CPA6: variants seen among roughly 807,000 people sequenced by gnomAD.
The protein encoded by CPA6 is carboxypeptidase B.
CPA6 carries 58 observed loss-of-function variants against 63.3 expected under a neutral mutation model. The observed-to-expected ratio is 0.92, with a 90% confidence interval of 0.74 to 1.14. The LOEUF is 1.14. Ranked by LOEUF, CPA6 falls within the 50% of genes most tolerant of loss-of-function variation. The pLI is 0.00. For synonymous variants in CPA6, 185 were observed against 179.0 expected (o/e 1.03, Z -0.27); for missense variants, 565 against 526.6 (o/e 1.07, Z -0.71).
chr8:67,468,638 G>T (rs918127114), intron 8 of CPA6, among the ~76,000 whole-genome samples: 3 of 145,066 alleles, frequency 2.1e-5, no homozygotes, highest in Non-Finnish European at 3.0e-5. Flanking sequence ...ATAATAATAA[G>T]AAAAAGAAAT....
At chr8:67,527,083 A>C (rs1163137005) in intron 2 of CPA6, among the ~76,000 whole-genome samples, 1 of 152,222 alleles carries the variant, frequency 6.6e-6, no homozygotes, top group Non-Finnish European at 1.5e-5. Context: ...TAAGAAGTAC[A>C]TTGGAAGACA....
chr8:67,582,462 C>T (rs534070705), intron 2 of CPA6, among the ~76,000 whole-genome samples: 4 of 152,166 alleles, frequency 2.6e-5, no homozygotes, highest in South Asian at 2.1e-4. Context: ...ATTGAAGTGC[C>T]GTTAGCATGA....
intron 1 of CPA6, among the ~76,000 whole-genome samples, chr8:67,652,303 C>A (rs1391707405): frequency 2.0e-5 from 3 of 152,172 alleles, no homozygotes; most frequent in Non-Finnish European, 4.4e-5. Flanking sequence ...TTCTAGATCC[C>A]TGAGGAATCG....
chr8:67,512,649 C>T (rs754511644), intron 3 of CPA6, among the ~76,000 whole-genome samples: 4 of 152,192 alleles, frequency 2.6e-5, no homozygotes, highest in Non-Finnish European at 4.4e-5. Flanking sequence ...TAGCAAAGCA[C>T]TTCAGTCATT....
At chr8:67,503,161 C>T (rs1237689188) in intron 6 of CPA6, among the ~76,000 whole-genome samples, 2 of 152,250 alleles carry the variant, frequency 1.3e-5, no homozygotes, top group East Asian at 3.9e-4. Flanking sequence ...GCTTCAGCCT[C>T]CTGAGTAGCT....
chr8:67,484,643 A>G (rs374711362), intron 7 of CPA6, 36 bp downstream of exon 7: 9 of 1,068,252 alleles, frequency 8.4e-6, no homozygotes, highest in Non-Finnish European at 1.2e-5. Context: ...TGATTTATTT[A>G]GTCCTCTTTT....
intron 1 of CPA6, among the ~76,000 whole-genome samples, chr8:67,669,025 G>A (rs766453065): frequency 4.9e-4 from 75 of 152,336 alleles, no homozygotes; most frequent in Non-Finnish European, 8.5e-4. Flanking sequence ...AGGATCCATA[G>A]TCAGCTTGCA....
At chr8:67,505,425 C>T (rs1811906914) in intron 6 of CPA6, among the ~76,000 whole-genome samples, 1 of 152,116 alleles carries the variant, frequency 6.6e-6, no homozygotes, top group African/African-American at 2.4e-5. Context: ...AAAACTTTAG[C>T]TGGAATGCTG....
intron 2 of CPA6, among the ~76,000 whole-genome samples, chr8:67,593,275 T>C (rs1286230251): frequency 9.9e-5 from 15 of 151,004 alleles, no homozygotes; most frequent in African/African-American, 3.2e-4. Flanking sequence ...TCTGTTCTTT[T>C]ACATTTGCTG....
At chr8:67,451,495 G>C (rs1481349938) in intron 8 of CPA6, among the ~76,000 whole-genome samples, 3 of 152,150 alleles carry the variant, frequency 2.0e-5, no homozygotes, top group Non-Finnish European at 4.4e-5. Context: ...ACATTATGGT[G>C]AGTTTTATAA....
chr8:67,525,692 T>A (rs543147419), intron 2 of CPA6, among the ~76,000 whole-genome samples: 1 of 152,326 alleles, frequency 6.6e-6, no homozygotes, highest in African/African-American at 2.4e-5. Context: ...AATTGATACA[T>A]CACCAACCTG....
intron 1 of CPA6, among the ~76,000 whole-genome samples, chr8:67,701,604 C>G (rs1817026275): frequency 6.6e-6 from 1 of 152,210 alleles, no homozygotes; most frequent in South Asian, 2.1e-4. Flanking sequence ...TCTAACCTGA[C>G]AGCCATCCCT....
intron 9 of CPA6, chr8:67,429,695 G>A (rs1809977760): frequency 6.6e-6 from 1 of 152,014 alleles, no homozygotes; most frequent in South Asian, 2.1e-4. Context: ...CTTCTCCAAC[G>A]GTCTCAGCAA....
intron 8 of CPA6, among the ~76,000 whole-genome samples, chr8:67,449,725 A>G (rs1587438683): frequency 6.6e-6 from 1 of 152,130 alleles, no homozygotes; most frequent in Non-Finnish European, 1.5e-5. Flanking sequence ...CGATGCCATC[A>G]ATGTTCCTCT....
chr8:67,547,649 C>G (rs1812847666), intron 2 of CPA6, among the ~76,000 whole-genome samples: 1 of 152,020 alleles, frequency 6.6e-6, no homozygotes, highest in South Asian at 2.1e-4. Flanking sequence ...TGAATGCCAC[C>G]ATGCTCAGCT....
At chr8:67,736,137 C>T (rs889493901) in intron 1 of CPA6, among the ~76,000 whole-genome samples, 3 of 152,182 alleles carry the variant, frequency 2.0e-5, no homozygotes, top group Admixed American at 6.5e-5. Flanking sequence ...CTTTCAGTCT[C>T]TGTGGAGACC....
intron 8 of CPA6, among the ~76,000 whole-genome samples, chr8:67,482,210 G>C (rs1486765853): frequency 3.9e-5 from 6 of 152,224 alleles, no homozygotes; most frequent in Admixed American, 6.5e-5. Context: ...TGCTGCTAGA[G>C]TTACTCAGCT....
At chr8:67,564,438 G>A (rs1337921671) in intron 2 of CPA6, among the ~76,000 whole-genome samples, 1 of 150,332 alleles carries the variant, frequency 6.7e-6, no homozygotes, top group Non-Finnish European at 1.5e-5. Flanking sequence ...TTATGTTTTG[G>A]ATATAGAGAA....
chr8:67,551,779 G>A (rs1416772832), intron 2 of CPA6, among the ~76,000 whole-genome samples: 1 of 152,060 alleles, frequency 6.6e-6, no homozygotes, highest in African/African-American at 2.4e-5. Context: ...TTTTTTTGGT[G>A]TGGCTATTGG....
Sources: allele counts gnomAD v4.1 joint callset (sites outside exome capture counted in the v4.1 genomes callset), GRCh38; gene constraint gnomAD v4.1.1; transcripts MANE v1.5; gene names NCBI Gene and HGNC (gene_info 2026-07-23, HGNC 2026-07-21).